Variants in CHRM2 observed in about 807,000 individuals in gnomAD.
CHRM2 encodes cholinergic receptor muscarinic 2, also known as muscarinic acetylcholine receptor M2.
A neutral mutation model predicts 25.0 loss-of-function variants in CHRM2; 8 were observed. The observed-to-expected ratio is 0.32, with a 90% CI of 0.19 to 0.58. CHRM2 has a LOEUF of 0.58. CHRM2 is among the 20% of genes least tolerant of loss of function. The pLI is 0.88. For missense variants in CHRM2, 440 were observed against 567.1 expected, an observed-to-expected ratio of 0.78 and a Z score of 2.28; for synonymous variants, 202 against 205.7, an observed-to-expected ratio of 0.98 and a Z score of 0.15.
intron 2 of CHRM2, among the ~76,000 whole-genome samples, chr7:136,931,529 C>T (rs998206885): frequency 2.6e-5 from 4 of 152,210 alleles, no homozygotes; most frequent in Non-Finnish European, 5.9e-5. Flanking sequence ...CAATTGGTGA[C>T]AGTTGACTGC....
At chr7:136,900,593 A>G (rs986223266) in intron 2 of CHRM2, among the ~76,000 whole-genome samples, 1 of 152,088 alleles carries the variant, frequency 6.6e-6, no homozygotes, top group Non-Finnish European at 1.5e-5. Context: ...GCCAGTAAAA[A>G]GGTTTCTATT....
chr7:137,006,305 G>T (rs985471012), intron 3 of CHRM2, among the ~76,000 whole-genome samples: 4 of 152,066 alleles, frequency 2.6e-5, no homozygotes, highest in African/African-American at 7.2e-5. Flanking sequence ...TAATGAAAAG[G>T]TGCCATGGAT....
chr7:136,871,327 T>TCTCGC (rs1563035460), intron 2 of CHRM2: 1 of 152,276 alleles, frequency 6.6e-6, no homozygotes, highest in Non-Finnish European at 1.5e-5. Context: ...GCCGCCCGCG[T>TCTCGC]CTCGCCCCGC....
At chr7:136,982,137 G>C (rs1299688582) in intron 2 of CHRM2, among the ~76,000 whole-genome samples, 2 of 152,088 alleles carry the variant, frequency 1.3e-5, no homozygotes, top group Non-Finnish European at 2.9e-5. Context: ...CCTGTATTGG[G>C]TGTATATATA....
At chr7:136,962,618 A>G (rs1330420241) in intron 2 of CHRM2, among the ~76,000 whole-genome samples, 1 of 152,330 alleles carries the variant, frequency 6.6e-6, no homozygotes, top group African/African-American at 2.4e-5. Flanking sequence ...GGGGAAATGT[A>G]ATTTTTTGAA....
At chr7:137,003,942 G>A (rs560030297) in intron 3 of CHRM2, among the ~76,000 whole-genome samples, 7 of 152,074 alleles carry the variant, frequency 4.6e-5, no homozygotes, top group Admixed American at 6.6e-5. Flanking sequence ...CTCCCCTGCC[G>A]CCTTTGCTTC....
chr7:136,996,130 G>T (rs1803585913), intron 3 of CHRM2, among the ~76,000 whole-genome samples: 1 of 151,704 alleles, frequency 6.6e-6, no homozygotes, highest in Non-Finnish European at 1.5e-5. Context: ...TTTTAAAATT[G>T]ATATTAGATC....
In CHRM2 at chr7:137,018,469, G is replaced by A. The variant is rs1232025579; in HGVS notation, c.*2203G>A. On this transcript the variant is annotated 3_prime_UTR_variant, in exon 4 of 4. Transcript: ENST00000680005. ...ATCAGTTGAACGGAAATAACGTCAA[G>A]CCAGTGGGCTCCTCGAGTTTCTGAA... 1 of 151,866 alleles carries A rather than the reference G, an allele frequency of 6.6e-6. No homozygotes were observed. Among genetic ancestry groups the A allele is most frequent in the African/African-American group, 2.4e-5 (1 of 41,396 alleles). 9.4% of individuals were successfully genotyped at this position (151,866 alleles called of 1,614,324 possible). A position where few individuals can be genotyped will look rare whatever the true frequency, so the allele number is the denominator to read the frequency against.
Position 136,945,887 on chromosome 7 carries a change from T to C in CHRM2, c.-124-46300T>C, listed in dbSNP as rs141860090. 7.6e-4 allele frequency among the ~76,000 whole-genome samples: 115 copies of C among 152,294 alleles called. 2 individuals carry two copies. In the East Asian group the frequency reaches 0.018, roughly 24 times the overall value. On this transcript the variant is annotated intron_variant, in intron 2 of 3. Transcript: ENST00000680005. The stretch of plus-strand genomic sequence containing the variant: ...AATTCCTATCTTATTTAATCTCAGT[T>C]AATCTGCACCACTCGATAAGGCAGA...
At chr7:136,911,955 T>G (rs1337107562) in intron 2 of CHRM2, among the ~76,000 whole-genome samples, 1 of 151,938 alleles carries the variant, frequency 6.6e-6, no homozygotes, top group Non-Finnish European at 1.5e-5. Context: ...TTTAAAAAGT[T>G]ATTTCTATGG....
intron 3 of CHRM2, among the ~76,000 whole-genome samples, chr7:137,000,131 T>G (rs1471359333): frequency 6.6e-6 from 1 of 151,788 alleles, no homozygotes; most frequent in Non-Finnish European, 1.5e-5. Context: ...CTTTTAAACC[T>G]TTAGACCCTC....
chr7:136,914,802 A>G (rs900739153), intron 2 of CHRM2, among the ~76,000 whole-genome samples: 1 of 151,940 alleles, frequency 6.6e-6, no homozygotes, highest in Non-Finnish European at 1.5e-5. Context: ...AATGCAAATG[A>G]CAGGTTTTGG....
intron 2 of CHRM2, among the ~76,000 whole-genome samples, chr7:136,956,202 G>A (rs1408792789): frequency 6.6e-6 from 1 of 152,190 alleles, no homozygotes; most frequent in Non-Finnish European, 1.5e-5. Flanking sequence ...GAAGGATGGA[G>A]TTATTTCAGG....
intron 3 of CHRM2, among the ~76,000 whole-genome samples, chr7:137,012,764 C>T (rs1584924134): frequency 6.6e-6 from 1 of 151,860 alleles, no homozygotes; most frequent in African/African-American, 2.4e-5. Context: ...CCTCTTTGTA[C>T]ATTTTTATGA....
chr7:136,992,913 G>C (rs1008377228), intron 3 of CHRM2, among the ~76,000 whole-genome samples: 2 of 152,088 alleles, frequency 1.3e-5, no homozygotes, highest in African/African-American at 4.8e-5. Context: ...TTACTCTCAA[G>C]GTTTCAACTG....
rs1805252805 is a variant in CHRM2, at chr7:137,017,596, A to G, written c.*1330A>G. On this transcript the variant is annotated 3_prime_UTR_variant, in exon 4 of 4. Coordinates refer to ENST00000680005, the MANE Select transcript of CHRM2 (RefSeq NM_001006630.2). ...TTTAAAAACTATTACTGAAACAATTACATATTCCATATTCCTCAAATTGTC... is the reference window on the plus strand; with the variant it reads ...TTTAAAAACTATTACTGAAACAATTGCATATTCCATATTCCTCAAATTGTC... The G allele has an allele frequency of 6.6e-6, 1 of 152,014 alleles. No individual in the cohort carries two copies. Among genetic ancestry groups the G allele is most frequent in the South Asian group, 2.1e-4 (1 of 4,834 alleles). The allele number at this position is 152,014 out of a possible 1,614,324, so 9.4% of individuals were successfully genotyped here.
At chr7:136,876,051 C>T (rs980375438) in intron 2 of CHRM2, among the ~76,000 whole-genome samples, 4 of 152,148 alleles carry the variant, frequency 2.6e-5, no homozygotes, top group African/African-American at 9.7e-5. Context: ...TTGGCATCCT[C>T]TATCTCATTT....
intron 2 of CHRM2, among the ~76,000 whole-genome samples, chr7:136,979,167 A>C (rs1802310588): frequency 6.6e-6 from 1 of 152,046 alleles, no homozygotes; most frequent in South Asian, 2.1e-4. Context: ...AGGGTATCTC[A>C]TTGTGGTTTT....
intron 2 of CHRM2, among the ~76,000 whole-genome samples, chr7:136,896,562 T>TTG (rs557222977): frequency 0.014 from 2,172 of 151,370 alleles, 45 homozygotes; most frequent in African/African-American, 0.049. Context: ...CTACCTTGCA[T>TTG]TGTGTGTGTG....
Sources: gnomAD v4.1 joint callset for allele counts (sites outside exome capture counted in the v4.1 genomes callset) on GRCh38, gnomAD v4.1.1 for gene constraint, MANE v1.5 for transcripts, NCBI Gene and HGNC (gene_info 2026-07-23, HGNC 2026-07-21) for gene names.